Variants in UVSSA observed in about 807,000 individuals in gnomAD.
UVSSA encodes the protein UV-stimulated scaffold protein A.
Under a neutral mutation model 73.9 loss-of-function variants are expected in UVSSA, and 72 were observed. The observed-to-expected ratio is 0.97, with a 90% CI of 0.81 to 1.19. The LOEUF (loss-of-function observed/expected upper bound fraction) is 1.19. UVSSA is among the 50% of genes most tolerant of loss of function. The pLI, the probability that UVSSA is intolerant of heterozygous loss-of-function variation, is 0.00. For missense variants in UVSSA, 1,150 were observed against 965.0 expected, an observed-to-expected ratio of 1.19 and a Z score of -2.54; for synonymous variants, 454 against 391.3, an observed-to-expected ratio of 1.16 and a Z score of -1.89.
intron 8 of UVSSA, among the ~76,000 whole-genome samples, chr4:1,369,080 C>T (rs1717698616): frequency 1.3e-5 from 2 of 152,200 alleles, no homozygotes; most frequent in African/African-American, 4.8e-5. Flanking sequence ...GGTTTTATTG[C>T]CACTGATTGA....
In UVSSA at chr4:1,364,481, C is replaced by G. The variant is rs1421328093; in HGVS notation, c.1177-1839C>G. Among the ~76,000 whole-genome samples, 5 of 152,226 alleles carry G rather than the reference C, an allele frequency of 3.3e-5. No individual in the cohort carries two copies. The East Asian group carries it at 9.6e-4, about 29-fold the overall frequency. ...GCCCTAGGGGTCAGGGGTCAGGCCCCTCTTCAGTTGTCCTTCCTCCCTTCA... is the reference window on the plus strand; with the variant it reads ...GCCCTAGGGGTCAGGGGTCAGGCCCGTCTTCAGTTGTCCTTCCTCCCTTCA... On this transcript the variant is annotated intron_variant, in intron 7 of 13. Coordinates refer to ENST00000389851, the MANE Select transcript of UVSSA (RefSeq NM_020894.4).
At chr4:1,345,398 A>T (rs909917330), upstream of UVSSA, among the ~76,000 whole-genome samples, 5 of 152,210 alleles carry the variant, frequency 3.3e-5, no homozygotes, top group Non-Finnish European at 7.4e-5. Context: ...TAATCCCAGC[A>T]CTTTGGGAGG....
rs764340459 is a variant in UVSSA at position 1,348,086 on chromosome 4, C to T, written c.-2-4C>T. The stretch of plus-strand genomic sequence containing the variant: ...TATAGCATCTCTGCCTTACTTATTT[C>T]TAGATATGGATCAGAAACTTTCGAA... On this transcript the variant is annotated splice_polypyrimidine_tract_variant and splice_region_variant and intron_variant, in intron 1 of 13. Transcript: ENST00000389851. 23 of 1,609,154 alleles carry T rather than the reference C, an allele frequency of 1.4e-5. No individual in the cohort carries two copies. Among genetic ancestry groups the T allele is most frequent in the Non-Finnish European group, 1.9e-5 (22 of 1,175,860 alleles).
intron 7 of UVSSA, among the ~76,000 whole-genome samples, chr4:1,364,883 C>T (rs895340220): frequency 6.6e-6 from 1 of 152,132 alleles, no homozygotes; most frequent in Admixed American, 6.5e-5. Context: ...GAGGAATGAC[C>T]GCCCTGCTGT....
chr4:1,361,261 C>T (rs1317243666), intron 7 of UVSSA, among the ~76,000 whole-genome samples: 1 of 152,220 alleles, frequency 6.6e-6, no homozygotes, highest in Non-Finnish European at 1.5e-5. Context: ...CAGGAAGCGG[C>T]CCGAGGCCCA....
At chr4:1,385,048 G>A (rs76047501) in intron 13 of UVSSA, 2 of 152,562 alleles carry the variant, frequency 1.3e-5, no homozygotes, top group African/African-American at 4.8e-5. Context: ...ATCAGCCAGG[G>A]GCAGAGGCCA....
intron 5 of UVSSA, among the ~76,000 whole-genome samples, chr4:1,353,785 G>A (rs1253061499): frequency 1.3e-5 from 2 of 152,178 alleles, no homozygotes; most frequent in Non-Finnish European, 2.9e-5. Flanking sequence ...AGGCTGTGTG[G>A]GCATCCCGTC....
At chr4:1,349,169 A>G (rs1299525240) in intron 2 of UVSSA, among the ~76,000 whole-genome samples, 1 of 148,180 alleles carries the variant, frequency 6.7e-6, no homozygotes, top group African/African-American at 2.5e-5. Context: ...GTAATGCCTC[A>G]GTTGTGAACA....
rs113118213 is a variant in UVSSA at position 1,395,288 on chromosome 4, C to T, written c.*9327C>T. 89 of 1,561,882 alleles carry T rather than the reference C, an allele frequency of 5.7e-5. 2 individuals are homozygous for T. Among genetic ancestry groups the T allele is most frequent in the African/African-American group, 3.9e-4 (25 of 64,662 alleles). ...TGCTCACGTGCCGATGTGGAGTGCC[C>T]GCCTGCTCACACGTGCCCATGTGGA... On this transcript the variant is annotated 3_prime_UTR_variant, in exon 14 of 14. Coordinates refer to the UVSSA transcript ENST00000511216.
intron 4 of UVSSA, 90 bp from the exon 5 acceptor site, chr4:1,352,940 G>A (rs1715016185): frequency 6.6e-7 from 1 of 1,504,318 alleles, no homozygotes; most frequent in Non-Finnish European, 8.9e-7. Context: ...GTGACACCCT[G>A]CGGGGAGTGG....
At chr4:1,388,468 A>C (rs1393598652), downstream of UVSSA, 1 of 152,184 alleles carries the variant, frequency 6.6e-6, no homozygotes, top group East Asian at 1.9e-4. Flanking sequence ...CTCTTACCTA[A>C]TTGCTCTGGC....
At chr4:1,375,144 C>A (rs1718594129) in intron 8 of UVSSA, 2 of 661,840 alleles carry the variant, frequency 3.0e-6, no homozygotes, top group Non-Finnish European at 2.5e-6. Context: ...GCGGGACTGC[C>A]GGACCCCCCG....
intron 8 of UVSSA, 58 bp from the exon 9 acceptor site, chr4:1,375,306 T>TGG: frequency 6.2e-6 from 10 of 1,601,562 alleles, no homozygotes; most frequent in Middle Eastern, 1.7e-4. Flanking sequence ...CGGTCTTGCC[T>TGG]GATGTGCCTG....
rs539298520 is a variant in UVSSA, at chr4:1,365,079, C to T, written c.1177-1241C>T. 1.6e-3 allele frequency among the ~76,000 whole-genome samples: 241 copies of T among 152,330 alleles called. 4 individuals are homozygous for T. The Middle Eastern group carries it at 0.017, about 11-fold the overall frequency. ...GAGCTTGCCCACAGCCGCTTCTGAG[C>T]GCGTGGATGGAGCAGTTGATGCCCA... On this transcript the variant is annotated intron_variant, in intron 7 of 13. Coordinates refer to ENST00000389851, the MANE Select transcript of UVSSA (RefSeq NM_020894.4).
intron 8 of UVSSA, chr4:1,375,059 C>G (rs1458628964): frequency 2.7e-6 from 1 of 368,688 alleles, no homozygotes; most frequent in Non-Finnish European, 5.0e-6. Flanking sequence ...TCTTTCCAGC[C>G]TGGCGAATCC....
At chr4:1,365,606 G>A (rs2109192560) in intron 7 of UVSSA, among the ~76,000 whole-genome samples, 1 of 152,240 alleles carries the variant, frequency 6.6e-6, no homozygotes, top group East Asian at 1.9e-4. Flanking sequence ...CAGAGAAGTG[G>A]CCTTGTCAAA....
downstream of UVSSA, chr4:1,388,911 CTT>C (rs1259202550): frequency 1.3e-5 from 2 of 152,104 alleles, no homozygotes; most frequent in Non-Finnish European, 1.5e-5. Flanking sequence ...TTTGTGATGT[CTT>C]TAGCTTTAGT....
upstream of UVSSA, among the ~76,000 whole-genome samples, chr4:1,342,708 C>T (rs1472956683): frequency 1.3e-5 from 2 of 152,172 alleles, no homozygotes; most frequent in East Asian, 3.8e-4. Flanking sequence ...CATATGTTTA[C>T]TCTATTGTTC....
At chr4:1,348,237 A>G (rs769276364) in intron 2 of UVSSA, 48 bp downstream of exon 2, 7 of 1,451,010 alleles carry the variant, frequency 4.8e-6, no homozygotes, top group Middle Eastern at 1.7e-4. Flanking sequence ...CACTGAGCCC[A>G]GGACACACAC....
Sources: allele counts gnomAD v4.1 joint callset (sites outside exome capture counted in the v4.1 genomes callset), GRCh38; gene constraint gnomAD v4.1.1; transcripts MANE v1.5; gene names NCBI Gene and HGNC (gene_info 2026-07-23, HGNC 2026-07-21).